CNTNAP2: variants seen among roughly 807,000 people sequenced by gnomAD.
CNTNAP2 encodes contactin associated protein 2.
Under a neutral mutation model 155.2 loss-of-function variants are expected in CNTNAP2, and 98 were observed. That is an observed-to-expected ratio of 0.63 (90% CI 0.54 to 0.75). The LOEUF is 0.75. Ranked by LOEUF, CNTNAP2 falls within the 30% of genes least tolerant of loss-of-function variation. CNTNAP2 has a pLI of 0.00. For missense variants in CNTNAP2, 1,727 were observed against 1,688.1 expected, an observed-to-expected ratio of 1.02 and a Z score of -0.40; for synonymous variants, 651 against 631.2, an observed-to-expected ratio of 1.03 and a Z score of -0.47.
intron 8 of CNTNAP2, among the ~76,000 whole-genome samples, chr7:147,172,327 G>A (rs909321346): frequency 6.6e-6 from 1 of 152,096 alleles, no homozygotes; most frequent in Non-Finnish European, 1.5e-5. Flanking sequence ...AAATGTCAAA[G>A]GAAGGGTACA....
At chr7:147,311,395 C>T (rs891351688) in intron 9 of CNTNAP2, among the ~76,000 whole-genome samples, 6 of 152,098 alleles carry the variant, frequency 3.9e-5, no homozygotes, top group Admixed American at 2.6e-4. Flanking sequence ...GGTTGCACAG[C>T]TGAGGCAGTA....
intron 15 of CNTNAP2, among the ~76,000 whole-genome samples, chr7:147,982,243 T>C (rs554518963): frequency 6.6e-6 from 1 of 152,328 alleles, no homozygotes; most frequent in East Asian, 1.9e-4. Flanking sequence ...TGTACTCCTC[T>C]AGGGATACGG....
chr7:148,374,378 T>C (rs1250688258), intron 21 of CNTNAP2, among the ~76,000 whole-genome samples: 1 of 152,196 alleles, frequency 6.6e-6, no homozygotes, highest in African/African-American at 2.4e-5. Flanking sequence ...GCCTACACTT[T>C]GTTATGCTGC....
chr7:147,969,845 TC>T lies in CNTNAP2; in HGVS notation c.2256-8016del, dbSNP rs200560443. On this transcript the variant is annotated intron_variant, in intron 14 of 23. Transcript: ENST00000361727. ...ATTAACCATGAAGTAGCATCTTATT[TC>T]TGGGTAAAGTCTGTCTATTTTTTTA... Among the ~76,000 whole-genome samples, 127 of 152,310 alleles carry T rather than the reference TC, an allele frequency of 8.3e-4. No individual in the cohort carries two copies. The East Asian group carries it at 0.021, about 26-fold the overall frequency.
chr7:147,799,984 A>G (rs1214005133), intron 13 of CNTNAP2, among the ~76,000 whole-genome samples: 1 of 152,232 alleles, frequency 6.6e-6, no homozygotes, highest in African/African-American at 2.4e-5. Context: ...GGCCTCTGTC[A>G]TGGGCATTTG....
chr7:147,897,789 A>C (rs147730568), intron 13 of CNTNAP2, among the ~76,000 whole-genome samples: 1 of 152,348 alleles, frequency 6.6e-6, no homozygotes, highest in African/African-American at 2.4e-5. Flanking sequence ...CTTATTTTTG[A>C]AACTCTAGAC....
chr7:146,786,286 G>A (rs565639001), intron 2 of CNTNAP2, among the ~76,000 whole-genome samples: 1 of 151,862 alleles, frequency 6.6e-6, no homozygotes, highest in South Asian at 2.1e-4. Context: ...TTATTTCCAA[G>A]ACAATTGGGA....
intron 10 of CNTNAP2, among the ~76,000 whole-genome samples, chr7:147,426,184 T>C (rs1423497871): frequency 6.6e-6 from 1 of 151,196 alleles, no homozygotes; most frequent in African/African-American, 2.5e-5. Flanking sequence ...CAAATGTGCT[T>C]TTTTATTTTT....
chr7:147,467,253 G>A (rs148881962), intron 10 of CNTNAP2, among the ~76,000 whole-genome samples: 1 of 152,224 alleles, frequency 6.6e-6, no homozygotes, highest in African/African-American at 2.4e-5. Flanking sequence ...TTTGTAAATT[G>A]TCCTATTTTG....
intron 11 of CNTNAP2, among the ~76,000 whole-genome samples, chr7:147,531,389 T>C (rs1799428715): frequency 6.6e-6 from 1 of 152,214 alleles, no homozygotes. Flanking sequence ...CCTTAGCATC[T>C]AGGCGCTTCC....
At chr7:147,036,828 A>G (rs1799159003) in intron 3 of CNTNAP2, among the ~76,000 whole-genome samples, 1 of 152,192 alleles carries the variant, frequency 6.6e-6, no homozygotes, top group Non-Finnish European at 1.5e-5. Flanking sequence ...TAAAGATTGT[A>G]TAAAAACTCA....
intron 23 of CNTNAP2, among the ~76,000 whole-genome samples, chr7:148,411,237 C>G (rs1039756997): frequency 6.6e-6 from 1 of 152,080 alleles, no homozygotes; most frequent in African/African-American, 2.4e-5. Context: ...TAATACGCAT[C>G]TATAAGTGTA....
At chr7:147,601,644 A>AAAAAAATATAT (rs1299075338) in intron 12 of CNTNAP2, among the ~76,000 whole-genome samples, 2 of 87,460 alleles carry the variant, frequency 2.3e-5, no homozygotes, top group East Asian at 6.8e-4. Flanking sequence ...CTTAAAAAAA[A>AAAAAAATATAT]ATATATATAT....
intron 1 of CNTNAP2, among the ~76,000 whole-genome samples, chr7:146,304,804 T>A (rs761066017): frequency 4.6e-5 from 7 of 152,128 alleles, no homozygotes; most frequent in Non-Finnish European, 1.0e-4. Context: ...TTTCCTAAAT[T>A]TGAATGTTGG....
intron 1 of CNTNAP2, among the ~76,000 whole-genome samples, chr7:146,224,487 C>T (rs1220455935): frequency 6.6e-6 from 1 of 150,578 alleles, no homozygotes; most frequent in East Asian, 1.9e-4. Flanking sequence ...ATGGCTTACA[C>T]CTGTAATCCC....
At chr7:146,248,162 A>C (rs1259540851) in intron 1 of CNTNAP2, among the ~76,000 whole-genome samples, 1 of 152,040 alleles carries the variant, frequency 6.6e-6, no homozygotes, top group African/African-American at 2.4e-5. Flanking sequence ...CAGAGATATA[A>C]GAGGTCCGGG....
chr7:147,711,226 G>A (rs539884151), intron 13 of CNTNAP2, among the ~76,000 whole-genome samples: 14 of 152,212 alleles, frequency 9.2e-5, no homozygotes, highest in Middle Eastern at 3.4e-3. Flanking sequence ...ATTTAGCAAT[G>A]GATAATGAAT....
intron 14 of CNTNAP2, among the ~76,000 whole-genome samples, chr7:147,946,852 A>C (rs1010103978): frequency 1.3e-5 from 2 of 152,170 alleles, no homozygotes; most frequent in Non-Finnish European, 2.9e-5. Flanking sequence ...GAGGGGGATT[A>C]ATAGGAGGAA....
At chr7:146,253,546 T>C (rs1057379728) in intron 1 of CNTNAP2, among the ~76,000 whole-genome samples, 1 of 152,242 alleles carries the variant, frequency 6.6e-6, no homozygotes, top group East Asian at 1.9e-4. Context: ...TATTTTATAT[T>C]CCAGTGTATG....
Sources: allele counts gnomAD v4.1 joint callset (sites outside exome capture counted in the v4.1 genomes callset), GRCh38; gene constraint gnomAD v4.1.1; transcripts MANE v1.5; gene names NCBI Gene and HGNC (gene_info 2026-07-23, HGNC 2026-07-21).